The following WWC1 variants were observed in gnomAD, a reference collection of about 807,000 sequenced individuals.
WWC1 encodes the protein protein KIBRA.
In WWC1, 55 loss-of-function variants were observed where a neutral mutation model predicts 138.4. That is an observed-to-expected ratio of 0.40 (90% CI 0.32 to 0.50). The LOEUF is 0.50. WWC1 is among the 20% of genes least tolerant of loss of function. The pLI is 0.72. For synonymous variants in WWC1, 524 were observed against 564.9 expected (o/e 0.93, Z 1.03); for missense variants, 1,226 against 1,420.4 (o/e 0.86, Z 2.20).
intron 1 of WWC1, among the ~76,000 whole-genome samples, chr5:168,344,410 A>T (rs1774297054): frequency 6.6e-6 from 1 of 152,226 alleles, no homozygotes; most frequent in East Asian, 1.9e-4. Flanking sequence ...CACATTCTTT[A>T]CATTTCAGGC....
At chr5:168,457,035 C>T (rs1286811350) in intron 19 of WWC1, among the ~76,000 whole-genome samples, 2 of 151,918 alleles carry the variant, frequency 1.3e-5, no homozygotes, top group Non-Finnish European at 1.5e-5. Flanking sequence ...AAGCACTATG[C>T]TTCCACTTCC....
In WWC1 at chr5:168,469,881, T is replaced by C. The variant is rs1404223148; in HGVS notation, c.*864T>C. ...CGCAGTCCTGGAAACATTTATTTTTTCTTTTGCCCACTGTTTTCATTTGCT... is the reference window on the plus strand; with the variant it reads ...CGCAGTCCTGGAAACATTTATTTTTCCTTTTGCCCACTGTTTTCATTTGCT... On this transcript the variant is annotated 3_prime_UTR_variant, in exon 23 of 23. Transcript: ENST00000265293. The C allele has an allele frequency of 6.6e-6, 1 of 152,222 alleles. No individual in the cohort carries two copies. The highest frequency in any genetic ancestry group is 1.5e-5 in the Non-Finnish European group (1 of 68,050). The allele number at this position is 152,222 out of a possible 1,614,324, so 9.4% of individuals were successfully genotyped here.
At chr5:168,361,810 G>T (rs975033144) in intron 1 of WWC1, among the ~76,000 whole-genome samples, 1 of 152,148 alleles carries the variant, frequency 6.6e-6, no homozygotes, top group African/African-American at 2.4e-5. Flanking sequence ...CACTGGGTGC[G>T]GTGGCTCACG....
In WWC1 at chr5:168,452,240, G is replaced by A. The variant is rs150624912; in HGVS notation, c.2526-1728G>A. ...TTAAAAGGGTAAATTTATACTTACC[G>A]TATGACCCAGTAATTCTATTATCTG... On this transcript the variant is annotated intron_variant, in intron 17 of 22. Transcript: ENST00000265293. 5.3e-5 allele frequency among the ~76,000 whole-genome samples: 8 copies of A among 152,206 alleles called. No homozygotes were observed. The East Asian group carries it at 7.7e-4, about 15-fold the overall frequency.
intron 8 of WWC1, chr5:168,411,989 C>T (rs1344886993): frequency 4.1e-6 from 4 of 985,360 alleles, no homozygotes; most frequent in Non-Finnish European, 4.8e-6. Context: ...AACAGATGTC[C>T]TATGTACTAT....
At chr5:168,385,548 ACTGCTCTTC>A in intron 3 of WWC1, 134 bp downstream of exon 3, 1 of 881,198 alleles carries the variant, frequency 1.1e-6, no homozygotes, top group Non-Finnish European at 1.7e-6. Context: ...CATCTTGTTT[ACTGCTCTTC>A]CTGCTCCTAC....
intron 1 of WWC1, among the ~76,000 whole-genome samples, chr5:168,299,345 G>T (rs1468530016): frequency 1.3e-5 from 2 of 152,214 alleles, no homozygotes; most frequent in Non-Finnish European, 2.9e-5. Context: ...AACCAGAGAA[G>T]CCAGTGAGAT....
chr5:168,408,750 C>T, intron 7 of WWC1, 97 bp downstream of exon 7: 1 of 1,538,246 alleles, frequency 6.5e-7, no homozygotes, highest in East Asian at 2.3e-5. Flanking sequence ...CACCAGGGAG[C>T]TGGCCAGGGG....
rs1469531381 is a variant in WWC1 at position 168,428,956 on chromosome 5, T to C, written c.2000+169T>C. On this transcript the variant is annotated intron_variant, in intron 13 of 22. Coordinates refer to ENST00000265293, the MANE Select transcript of WWC1 (RefSeq NM_015238.3). Reference sequence around the variant, plus strand: ...AACTGAAGGGATGCTGATTCGTTCCTCACCTCCCAGCCATCCGCTTTACAG... The same window carrying C: ...AACTGAAGGGATGCTGATTCGTTCCCCACCTCCCAGCCATCCGCTTTACAG... Among the ~76,000 whole-genome samples the C allele has an allele frequency of 1.3e-5, 2 of 152,126 alleles. 1 individual carries two copies. The highest frequency in any genetic ancestry group is 3.9e-4 in the East Asian group (2 of 5,184).
intron 1 of WWC1, among the ~76,000 whole-genome samples, chr5:168,337,891 G>T (rs1021354462): frequency 1.3e-5 from 2 of 152,184 alleles, no homozygotes; most frequent in Admixed American, 6.5e-5. Flanking sequence ...TTCCTGGCAT[G>T]GGTCACAGTG....
Position 168,292,402 on chromosome 5 carries a change from C to T in WWC1, c.119+131C>T. 3 of 1,074,984 alleles carry T rather than the reference C, an allele frequency of 2.8e-6. No individual in the cohort carries two copies. Among genetic ancestry groups the T allele is most frequent in the Non-Finnish European group, 2.6e-6 (2 of 762,454 alleles). 66.6% of individuals were successfully genotyped at this position (1,074,984 alleles called of 1,614,324 possible). ...GCCTCTTGAGCTCTCTTCAGTTCGC[C>T]ACCCCCTGCTCCCCCCAACCTTCTG... On this transcript the variant is annotated intron_variant, in intron 1 of 22. Coordinates refer to ENST00000265293, the MANE Select transcript of WWC1 (RefSeq NM_015238.3). The surrounding 1 kb of genome is among the most constrained non-coding windows in gnomAD (Gnocchi z 4.4).
intron 9 of WWC1, among the ~76,000 whole-genome samples, chr5:168,416,697 C>T (rs1170373536): frequency 6.6e-6 from 1 of 152,174 alleles, no homozygotes; most frequent in East Asian, 1.9e-4. Flanking sequence ...ATACGCTTCT[C>T]ACTTGCTGAC....
intron 8 of WWC1, chr5:168,412,244 T>C: frequency 1.0e-6 from 1 of 961,300 alleles, no homozygotes; most frequent in Non-Finnish European, 1.2e-6. Flanking sequence ...TGCTTGCCCC[T>C]CCACCCGAAG....
chr5:168,413,124 T>G (rs745365520), intron 8 of WWC1, among the ~76,000 whole-genome samples: 1 of 151,994 alleles, frequency 6.6e-6, no homozygotes, highest in Non-Finnish European at 1.5e-5. Flanking sequence ...GAACTGGGAG[T>G]CCAGAGGCCT....
intron 1 of WWC1, among the ~76,000 whole-genome samples, chr5:168,333,610 A>C (rs1287921379): frequency 6.6e-6 from 1 of 152,156 alleles, no homozygotes; most frequent in Non-Finnish European, 1.5e-5. Flanking sequence ...TCTGTCCAGA[A>C]ACACTGAGCT....
chr5:168,361,499 G>T (rs1437123400), intron 1 of WWC1, among the ~76,000 whole-genome samples: 2 of 152,130 alleles, frequency 1.3e-5, no homozygotes, highest in Non-Finnish European at 2.9e-5. Flanking sequence ...GTATAATAGG[G>T]TTAGTTAGCC....
At chr5:168,334,246 CA>C (rs1304672812) in intron 1 of WWC1, among the ~76,000 whole-genome samples, 1 of 147,838 alleles carries the variant, frequency 6.8e-6, no homozygotes, top group Non-Finnish European at 1.5e-5. Context: ...ACAACAACAA[CA>C]AAAAACTCTT....
At chr5:168,351,122 G>C (rs1004514151) in intron 1 of WWC1, among the ~76,000 whole-genome samples, 1 of 151,292 alleles carries the variant, frequency 6.6e-6, no homozygotes, top group Non-Finnish European at 1.5e-5. Context: ...ACTGGAGCCT[G>C]GGCAACAGTG....
At chr5:168,387,634 T>A (rs539396904) in intron 3 of WWC1, among the ~76,000 whole-genome samples, 6 of 152,314 alleles carry the variant, frequency 3.9e-5, no homozygotes, top group African/African-American at 1.4e-4. Flanking sequence ...GTGAGGGCTG[T>A]CTTCCCGGCT....
Sources: gnomAD v4.1 joint callset for allele counts (sites outside exome capture counted in the v4.1 genomes callset) on GRCh38, gnomAD v4.1.1 for gene constraint, Gnocchi (gnomAD v3.1) non-coding constraint, MANE v1.5 for transcripts, NCBI Gene and HGNC (gene_info 2026-07-23, HGNC 2026-07-21) for gene names.